Variants in STK32B observed in about 807,000 individuals in gnomAD.
STK32B encodes serine/threonine kinase 32B, also known as serine/threonine-protein kinase 32B.
STK32B carries 43 observed loss-of-function variants against 52.6 expected under a neutral mutation model. The observed-to-expected ratio is 0.82, with a 90% CI of 0.64 to 1.05. STK32B has a LOEUF of 1.05. STK32B is among the 50% of genes least tolerant of loss of function. The pLI is 0.00. For synonymous variants in STK32B, 238 were observed against 204.3 expected, an observed-to-expected ratio of 1.17 and a Z score of -1.41; for missense variants, 621 against 534.6, an observed-to-expected ratio of 1.16 and a Z score of -1.59.
At chr4:5,282,519 A>G (rs980719489) in intron 3 of STK32B, among the ~76,000 whole-genome samples, 2 of 152,218 alleles carry the variant, frequency 1.3e-5, no homozygotes, top group African/African-American at 4.8e-5. Context: ...GATATTTCTC[A>G]AAATATCTTA....
chr4:5,277,155 A>G (rs1361589972), intron 3 of STK32B, among the ~76,000 whole-genome samples: 1 of 152,232 alleles, frequency 6.6e-6, no homozygotes. Flanking sequence ...AAAATAGGAT[A>G]TAACAAGCCT....
chr4:5,485,429 TCAG>T (rs1719076410), intron 11 of STK32B, among the ~76,000 whole-genome samples: 1 of 152,220 alleles, frequency 6.6e-6, no homozygotes, highest in African/African-American at 2.4e-5. Context: ...GCCATGGTTT[TCAG>T]CTCTATCAGG....
At chr4:5,288,927 A>G (rs1344086139) in intron 3 of STK32B, among the ~76,000 whole-genome samples, 1 of 152,202 alleles carries the variant, frequency 6.6e-6, no homozygotes, top group African/African-American at 2.4e-5. Context: ...AAGTTTTTGT[A>G]TGGTGGCAGG....
chr4:5,347,002 A>G (rs1165692479), intron 4 of STK32B, among the ~76,000 whole-genome samples: 1 of 152,172 alleles, frequency 6.6e-6, no homozygotes, highest in Non-Finnish European at 1.5e-5. Flanking sequence ...CCCACGTACT[A>G]TCATGAGAAC....
intron 6 of STK32B, chr4:5,432,382 T>C (rs1713666284): frequency 6.6e-6 from 1 of 152,200 alleles, no homozygotes; most frequent in African/African-American, 2.4e-5. Flanking sequence ...TAACTATTAA[T>C]TAAAATATAG....
At chr4:5,185,394 C>T (rs1331792434) in intron 3 of STK32B, among the ~76,000 whole-genome samples, 1 of 152,106 alleles carries the variant, frequency 6.6e-6, no homozygotes, top group Non-Finnish European at 1.5e-5. Flanking sequence ...AGTCAGTACA[C>T]GGATATCTAC....
At chr4:5,297,526 A>C (rs1054524809) in intron 3 of STK32B, among the ~76,000 whole-genome samples, 2 of 149,332 alleles carry the variant, frequency 1.3e-5, no homozygotes, top group African/African-American at 2.5e-5. Context: ...TATTAAGTTG[A>C]TCTTCAATCT....
chr4:5,165,367 T>G (rs983017634), intron 2 of STK32B, among the ~76,000 whole-genome samples: 2 of 152,182 alleles, frequency 1.3e-5, no homozygotes, highest in African/African-American at 4.8e-5. Flanking sequence ...TAATTTAATT[T>G]TGGAGAGTCT....
chr4:5,112,932 A>G (rs1237908714), intron 1 of STK32B, among the ~76,000 whole-genome samples: 1 of 152,194 alleles, frequency 6.6e-6, no homozygotes, highest in Admixed American at 6.5e-5. Context: ...TGTGCCAGAC[A>G]CTGGGGATAA....
At chr4:5,239,956 C>T (rs1056613754) in intron 3 of STK32B, among the ~76,000 whole-genome samples, 1 of 152,072 alleles carries the variant, frequency 6.6e-6, no homozygotes, top group Admixed American at 6.6e-5. Context: ...GGTTAACTCA[C>T]CTGGCCAATC....
At chr4:5,486,317 C>T (rs554399657) in intron 11 of STK32B, among the ~76,000 whole-genome samples, 62 of 152,296 alleles carry the variant, frequency 4.1e-4, no homozygotes, top group Non-Finnish European at 7.4e-4. Flanking sequence ...TCGCTGCAGC[C>T]TTGCAGTTTG....
At chr4:5,348,726 TCAC>T (rs1733635413) in intron 4 of STK32B, among the ~76,000 whole-genome samples, 1 of 152,108 alleles carries the variant, frequency 6.6e-6, no homozygotes, top group African/African-American at 2.4e-5. Context: ...GGCCTGAGGA[TCAC>T]CACAACCCTG....
chr4:5,228,739 G>A (rs184188065), intron 3 of STK32B, among the ~76,000 whole-genome samples: 33 of 152,274 alleles, frequency 2.2e-4, no homozygotes, highest in African/African-American at 6.3e-4. Flanking sequence ...AGGCCGAAAA[G>A]GGTGGATCAC....
At chr4:5,306,184 G>T (rs1403750114) in intron 3 of STK32B, among the ~76,000 whole-genome samples, 1 of 152,078 alleles carries the variant, frequency 6.6e-6, no homozygotes, top group African/African-American at 2.4e-5. Flanking sequence ...TTCTGCAGTT[G>T]CTGGATAGAA....
chr4:5,056,723 A>G (rs966513525), intron 1 of STK32B, among the ~76,000 whole-genome samples: 2 of 152,224 alleles, frequency 1.3e-5, no homozygotes, highest in Non-Finnish European at 2.9e-5. Context: ...TCTTGAATCA[A>G]TTACTGTGAG....
At chr4:5,045,475 T>C in the STK32B span, among the ~76,000 whole-genome samples, 1 of 152,220 alleles carries the variant, frequency 6.6e-6, no homozygotes, top group African/African-American at 2.4e-5. Flanking sequence ...TTGATAGAAA[T>C]AGTATTGAAT....
intron 3 of STK32B, among the ~76,000 whole-genome samples, chr4:5,170,387 A>C (rs939797876): frequency 5.3e-5 from 8 of 152,020 alleles, no homozygotes; most frequent in South Asian, 2.1e-4. Context: ...TATACATGTG[A>C]CTTGTTGGTG....
At chr4:5,366,205 C>G (rs955389815) in intron 4 of STK32B, among the ~76,000 whole-genome samples, 3 of 152,064 alleles carry the variant, frequency 2.0e-5, no homozygotes, top group Non-Finnish European at 2.9e-5. Context: ...AGTTGGCATC[C>G]CTAAAAATGG....
At chr4:5,099,457 C>CGTGCGCACGT (rs1553823556) in intron 1 of STK32B, among the ~76,000 whole-genome samples, 2 of 146,174 alleles carry the variant, frequency 1.4e-5, no homozygotes, top group Non-Finnish European at 3.0e-5. Flanking sequence ...TGTGCGCGCG[C>CGTGCGCACGT]GCGTATGTGA....
Sources: allele counts gnomAD v4.1 joint callset (sites outside exome capture counted in the v4.1 genomes callset), GRCh38; gene constraint gnomAD v4.1.1; transcripts MANE v1.5; gene names NCBI Gene and HGNC (gene_info 2026-07-23, HGNC 2026-07-21).